The following SLC25A32 variants were observed in gnomAD, a reference collection of about 807,000 sequenced individuals.
The protein encoded by SLC25A32 is solute carrier family 25 member 32.
A neutral mutation model predicts 39.0 loss-of-function variants in SLC25A32; 32 were observed. The observed-to-expected ratio is 0.82, with a 90% confidence interval of 0.62 to 1.10. The LOEUF (loss-of-function observed/expected upper bound fraction) is 1.10. Ranked by LOEUF, SLC25A32 falls within the 50% of genes least tolerant of loss-of-function variation. SLC25A32 has a pLI of 0.00. For missense variants in SLC25A32, 367 were observed against 395.3 expected (o/e 0.93, Z 0.61); for synonymous variants, 166 against 152.4 (o/e 1.09, Z -0.66).
chr8:103,401,468 T>A (rs889796729), intron 6 of SLC25A32, 48 bp downstream of exon 6: 2 of 1,577,704 alleles, frequency 1.3e-6, no homozygotes, highest in Non-Finnish European at 8.6e-7. Flanking sequence ...GTCTAAGATA[T>A]GCAAGGTACC....
chr8:103,408,491 T>C (rs1816390403), intron 1 of SLC25A32, among the ~76,000 whole-genome samples: 1 of 152,166 alleles, frequency 6.6e-6, no homozygotes, highest in South Asian at 2.1e-4. Flanking sequence ...ACTCAAAAAA[T>C]AAACTAGCTA....
At chr8:103,402,912 T>C (rs1399064973) in intron 4 of SLC25A32, among the ~76,000 whole-genome samples, 1 of 152,158 alleles carries the variant, frequency 6.6e-6, no homozygotes, top group Non-Finnish European at 1.5e-5. Context: ...ACTTATCAAA[T>C]AGAAACTTGA....
intron 2 of SLC25A32, among the ~76,000 whole-genome samples, chr8:103,407,388 A>T (rs927135985): frequency 6.6e-6 from 1 of 152,176 alleles, no homozygotes; most frequent in African/African-American, 2.4e-5. Context: ...TTCCAGACCA[A>T]ATAATGCCTC....
chr8:103,401,608 T>C lies in SLC25A32; in HGVS notation c.720A>G (p.Ala240=). 6.2e-7 allele frequency: 1 copy of C among 1,613,712 alleles called. No individual in the cohort carries two copies. Among genetic ancestry groups the C allele is most frequent in the Non-Finnish European group, 8.5e-7 (1 of 1,179,772 alleles). ...VAALSKIFAV[A]ATYPYQVVRA... is the part of the protein sequence containing the mutation. ...TTACGACTTGATATGGGTATGTTGC[T>C]GCGACAGCAAATATTTTGGATAGTG... Residue 240 remains alanine (A), a synonymous_variant, in exon 6 of 7, where the codon GCA becomes GCG. Transcript: ENST00000297578.
Position 103,400,534 on chromosome 8 carries a change from G to A in SLC25A32, c.825C>T (p.Val275=), listed in dbSNP as rs1294740595. Residue 275 remains valine (V), a synonymous_variant, in exon 7 of 7, where the codon GTC becomes GTT. Coordinates refer to ENST00000297578, the MANE Select transcript of SLC25A32 (RefSeq NM_030780.5). Reference sequence around the variant, plus strand: ...GAGCAATTCCCTTGTAAAATCCACCGACGCCTTCTTTCCTTTAGAGGGAAA... The same window carrying A: ...GAGCAATTCCCTTGTAAAATCCACCAACGCCTTCTTTCCTTTAGAGGGAAA... ...VITKTWRKEG[V]GGFYKGIAPN... 3.1e-6 allele frequency: 5 copies of A among 1,613,886 alleles called. No homozygotes were observed. The highest frequency in any genetic ancestry group is 4.2e-6 in the Non-Finnish European group (5 of 1,179,984).
intron 1 of SLC25A32, among the ~76,000 whole-genome samples, chr8:103,410,639 T>C (rs777394414): frequency 6.6e-6 from 1 of 152,182 alleles, no homozygotes; most frequent in Non-Finnish European, 1.5e-5. Flanking sequence ...GACCACTGGC[T>C]TAAATGACCT....
chr8:103,407,822 G>A, intron 1 of SLC25A32, 38 bp from the exon 2 acceptor site: 1 of 1,584,270 alleles, frequency 6.3e-7, no homozygotes, highest in Non-Finnish European at 8.6e-7. Context: ...TAAGAACAAA[G>A]TTCTAGCTCT....
At chr8:103,402,691 A>G (rs1156382827) in intron 4 of SLC25A32, 4 of 152,202 alleles carry the variant, frequency 2.6e-5, no homozygotes, top group Admixed American at 2.6e-4. Context: ...ACTAGGAAAA[A>G]AATTTTTAAA....
intron 4 of SLC25A32, 37 bp downstream of exon 4, chr8:103,403,127 T>C (rs1430152291): frequency 6.9e-7 from 1 of 1,458,110 alleles, no homozygotes; most frequent in East Asian, 2.5e-5. Flanking sequence ...GAAATTCAAA[T>C]TTTTCAGTTA....
At chr8:103,410,132 G>T (rs1276845440) in intron 1 of SLC25A32, among the ~76,000 whole-genome samples, 1 of 152,088 alleles carries the variant, frequency 6.6e-6, no homozygotes, top group Non-Finnish European at 1.5e-5. Flanking sequence ...GAGGTAAAAA[G>T]CAAAACCAAC....
chr8:103,413,266 T>C (rs761509039), intron 1 of SLC25A32, among the ~76,000 whole-genome samples: 1 of 152,236 alleles, frequency 6.6e-6, no homozygotes, highest in Non-Finnish European at 1.5e-5. Context: ...CTTCTGCTCC[T>C]AGATAAAATG....
intron 1 of SLC25A32, among the ~76,000 whole-genome samples, chr8:103,411,713 T>G (rs905077659): frequency 1.3e-5 from 2 of 152,166 alleles, no homozygotes; most frequent in Admixed American, 1.3e-4. Context: ...AGGGGTGGTG[T>G]CTCAACCATT....
At position 103,410,368 on chromosome 8, in the gene SLC25A32, C is replaced by A. The variant is rs532501187; in HGVS notation, c.155-2584G>T. Among the ~76,000 whole-genome samples the A allele has an allele frequency of 1.1e-4, 16 of 152,324 alleles. 2 individuals are homozygous for A. Among genetic ancestry groups the A allele is most frequent in the Admixed American group, 1.0e-3 (16 of 15,296 alleles). On this transcript the variant is annotated intron_variant, in intron 1 of 6. Coordinates refer to ENST00000297578, the MANE Select transcript of SLC25A32 (RefSeq NM_030780.5). The stretch of plus-strand genomic sequence containing the variant: ...ACGAGCGAAGCTTCATCTGTACTTA[C>A]AGCTGCTCCCCATTGCTTGCATTAC...
At chr8:103,408,001 A>G (rs867386860) in intron 1 of SLC25A32, among the ~76,000 whole-genome samples, 3 of 148,844 alleles carry the variant, frequency 2.0e-5, no homozygotes, top group South Asian at 4.2e-4. Flanking sequence ...TTTTTGTGTC[A>G]GAGTCCCGCT....
intron 2 of SLC25A32, among the ~76,000 whole-genome samples, chr8:103,406,343 C>T (rs1427722090): frequency 6.6e-6 from 1 of 152,066 alleles, no homozygotes; most frequent in Non-Finnish European, 1.5e-5. Context: ...AAGACAAAGG[C>T]AAATACACTA....
At chr8:103,408,327 T>A (rs1816388167) in intron 1 of SLC25A32, among the ~76,000 whole-genome samples, 1 of 152,104 alleles carries the variant, frequency 6.6e-6, no homozygotes, top group Non-Finnish European at 1.5e-5. Flanking sequence ...CATGAATTTA[T>A]TCAAGTGTTT....
chr8:103,409,422 C>T (rs1317820795), intron 1 of SLC25A32, among the ~76,000 whole-genome samples: 1 of 152,064 alleles, frequency 6.6e-6, no homozygotes, highest in Non-Finnish European at 1.5e-5. Context: ...GTCATTTCTC[C>T]ACCTGACCTA....
chr8:103,406,607 G>A (rs191006647), intron 2 of SLC25A32, among the ~76,000 whole-genome samples: 1 of 152,342 alleles, frequency 6.6e-6, no homozygotes, highest in East Asian at 1.9e-4. Flanking sequence ...ACTGGTGAAG[G>A]AGTAAGGAAA....
chr8:103,412,188 T>C (rs1417077150), intron 1 of SLC25A32, among the ~76,000 whole-genome samples: 1 of 152,250 alleles, frequency 6.6e-6, no homozygotes, highest in East Asian at 1.9e-4. Context: ...TTTATGCTAC[T>C]GGGTCTTGCG....
Sources: gnomAD v4.1 joint callset for allele counts (sites outside exome capture counted in the v4.1 genomes callset) on GRCh38, gnomAD v4.1.1 for gene constraint, MANE v1.5 for transcripts, NCBI Gene and HGNC (gene_info 2026-07-23, HGNC 2026-07-21) for gene names.